The following FSTL5 variants were observed in gnomAD, a reference collection of about 807,000 sequenced individuals.
FSTL5 encodes the protein follistatin like 5, also known as follistatin-related protein 5.
In FSTL5, 62 loss-of-function variants were observed where a neutral mutation model predicts 89.1. The ratio of observed to expected loss-of-function variants is 0.70; its 90% CI spans 0.57 to 0.86. The LOEUF (loss-of-function observed/expected upper bound fraction) is 0.86, where lower values mean the gene tolerates loss of function less well. FSTL5 is among the 40% of genes least tolerant of loss of function. The pLI is 0.00. For missense variants in FSTL5, 1,057 were observed against 1,001.6 expected, an observed-to-expected ratio of 1.06 and a Z score of -0.75; for synonymous variants, 383 against 346.2, an observed-to-expected ratio of 1.11 and a Z score of -1.18.
intron 4 of FSTL5, among the ~76,000 whole-genome samples, chr4:161,900,968 T>G (rs1267348686): frequency 6.6e-6 from 1 of 152,170 alleles, no homozygotes; most frequent in African/African-American, 2.4e-5. Context: ...GAGATGCTAT[T>G]TAACTCTAGT....
intron 6 of FSTL5, among the ~76,000 whole-genome samples, chr4:161,674,963 A>G (rs1355269448): frequency 6.6e-6 from 1 of 152,160 alleles, no homozygotes. Context: ...ATGGATCAGT[A>G]TCTGAGATTG....
intron 3 of FSTL5, among the ~76,000 whole-genome samples, chr4:161,949,260 A>G (rs1435152807): frequency 6.6e-6 from 1 of 152,098 alleles, no homozygotes; most frequent in African/African-American, 2.4e-5. Context: ...GCCCACTTGG[A>G]TAATCCAGAA....
intron 4 of FSTL5, among the ~76,000 whole-genome samples, chr4:161,872,128 G>GTTTTTTTGTTTTTTTT (rs1732282226): frequency 9.4e-5 from 6 of 64,140 alleles, no homozygotes; most frequent in African/African-American, 1.3e-4. Flanking sequence ...TTTGTAGTTT[G>GTTTTTTTGTTTTTTTT]TTTTTTTTTT....
chr4:161,416,767 C>T (rs1283913119), intron 15 of FSTL5, among the ~76,000 whole-genome samples: 1 of 151,558 alleles, frequency 6.6e-6, no homozygotes, highest in Non-Finnish European at 1.5e-5. Flanking sequence ...ATGGCATGAA[C>T]CCGGGAGGTG....
At chr4:161,534,954 CAA>C (rs967117538) in intron 10 of FSTL5, among the ~76,000 whole-genome samples, 1 of 151,736 alleles carries the variant, frequency 6.6e-6, no homozygotes, top group African/African-American at 2.4e-5. Context: ...ACAAAATAGA[CAA>C]AAAAAGCAAC....
At chr4:161,726,586 G>T (rs1739426968) in intron 6 of FSTL5, among the ~76,000 whole-genome samples, 1 of 152,028 alleles carries the variant, frequency 6.6e-6, no homozygotes, top group Non-Finnish European at 1.5e-5. Flanking sequence ...TGTGCATTAT[G>T]CACACAAAAT....
intron 2 of FSTL5, among the ~76,000 whole-genome samples, chr4:162,082,171 C>T (rs1730126738): frequency 6.6e-6 from 1 of 151,596 alleles, no homozygotes; most frequent in South Asian, 2.1e-4. Context: ...TCTCTAATCT[C>T]CTTTCTAATC....
At chr4:162,099,807 T>C (rs1730915519) in intron 2 of FSTL5, among the ~76,000 whole-genome samples, 1 of 152,112 alleles carries the variant, frequency 6.6e-6, no homozygotes, top group East Asian at 1.9e-4. Flanking sequence ...ATTGACAAAA[T>C]ACATTTTCTG....
chr4:161,813,912 G>C (rs1055597821), intron 4 of FSTL5, among the ~76,000 whole-genome samples: 5 of 151,980 alleles, frequency 3.3e-5, no homozygotes. Context: ...TATTTAAATA[G>C]AAAAGGGAAA....
At chr4:161,464,756 AATTATT>A (rs937720219) in intron 13 of FSTL5, among the ~76,000 whole-genome samples, 1 of 152,070 alleles carries the variant, frequency 6.6e-6, no homozygotes. Flanking sequence ...CATGGCAACT[AATTATT>A]ATTATTAAGA....
chr4:161,594,437 T>C (rs1425557258), intron 7 of FSTL5, among the ~76,000 whole-genome samples: 1 of 152,136 alleles, frequency 6.6e-6, no homozygotes, highest in East Asian at 1.9e-4. Context: ...AGTCTTTCCC[T>C]TTCTAGTATA....
chr4:161,964,402 CA>C (rs1217389084), intron 3 of FSTL5, among the ~76,000 whole-genome samples: 2 of 151,952 alleles, frequency 1.3e-5, no homozygotes, highest in Non-Finnish European at 2.9e-5. Context: ...TACAAATTAC[CA>C]TGTAGAATCT....
intron 6 of FSTL5, among the ~76,000 whole-genome samples, chr4:161,669,007 G>C (rs1446274371): frequency 6.6e-6 from 1 of 150,720 alleles, no homozygotes; most frequent in Non-Finnish European, 1.5e-5. Flanking sequence ...AGCTGCTCAG[G>C]AGGCCGAGGC....
chr4:162,000,142 C>T (rs1484374039), intron 3 of FSTL5, among the ~76,000 whole-genome samples: 1 of 152,172 alleles, frequency 6.6e-6, no homozygotes, highest in Non-Finnish European at 1.5e-5. Flanking sequence ...TACACTCATG[C>T]CTGCTAGCCA....
intron 2 of FSTL5, among the ~76,000 whole-genome samples, chr4:162,041,387 G>A (rs1406323248): frequency 6.6e-6 from 1 of 151,880 alleles, no homozygotes; most frequent in Admixed American, 6.6e-5. Context: ...AAATAAGGTT[G>A]GGCAAGTAGT....
At chr4:161,813,540 T>G (rs910035858) in intron 4 of FSTL5, among the ~76,000 whole-genome samples, 1 of 152,174 alleles carries the variant, frequency 6.6e-6, no homozygotes, top group African/African-American at 2.4e-5. Flanking sequence ...TAACTTGCAG[T>G]TTCAGGCTGT....
rs144555513 is a variant in FSTL5, at chr4:161,627,929, A to G, written c.894+28399T>C. Among the ~76,000 whole-genome samples the G allele has an allele frequency of 6.0e-3, 907 of 152,294 alleles. 16 individuals carry two copies. Among genetic ancestry groups the G allele is most frequent in the South Asian group, 0.046 (223 of 4,830 alleles). On this transcript the variant is annotated intron_variant, in intron 7 of 15. Coordinates refer to ENST00000306100, the MANE Select transcript of FSTL5 (RefSeq NM_020116.5). ...AATTTTATGATAGTAACATATGTCA[A>G]TATAACTCATTTCTCATTCAAATCC...
chr4:161,844,817 G>A (rs1178265674), intron 4 of FSTL5, among the ~76,000 whole-genome samples: 1 of 151,978 alleles, frequency 6.6e-6, no homozygotes, highest in East Asian at 1.9e-4. Context: ...AGCGTTAGGA[G>A]AAATACCTAA....
At chr4:161,734,022 A>G (rs956659910) in intron 6 of FSTL5, among the ~76,000 whole-genome samples, 2 of 152,064 alleles carry the variant, frequency 1.3e-5, no homozygotes, top group African/African-American at 2.4e-5. Flanking sequence ...TACATGAATA[A>G]TATTTTTGAA....
Sources: gnomAD v4.1 joint callset for allele counts (sites outside exome capture counted in the v4.1 genomes callset) on GRCh38, gnomAD v4.1.1 for gene constraint, MANE v1.5 for transcripts, NCBI Gene and HGNC (gene_info 2026-07-23, HGNC 2026-07-21) for gene names.